Variants in INPP5A observed in about 807,000 individuals in gnomAD.
INPP5A encodes the protein inositol polyphosphate-5-phosphatase A.
In INPP5A, 14 loss-of-function variants were observed where a neutral mutation model predicts 65.2. The observed-to-expected ratio is 0.21, with a 90% CI of 0.14 to 0.34. The LOEUF (loss-of-function observed/expected upper bound fraction) is 0.34, where lower values mean the gene tolerates loss of function less well. Ranked by LOEUF, INPP5A falls within the 10% of genes least tolerant of loss-of-function variation. The pLI, the probability that INPP5A is intolerant of heterozygous loss-of-function variation, is 1.00. For missense variants in INPP5A, 431 were observed against 545.6 expected (o/e 0.79, Z 2.09); for synonymous variants, 207 against 208.3 (o/e 0.99, Z 0.05).
At chr10:132,606,999 G>T (rs2071865458) in intron 1 of INPP5A, among the ~76,000 whole-genome samples, 2 of 152,176 alleles carry the variant, frequency 1.3e-5, no homozygotes, top group Non-Finnish European at 2.9e-5. Context: ...CCCTCACGGT[G>T]GGCGATGTTG....
chr10:132,742,681 A>G (rs990352980), intron 9 of INPP5A, among the ~76,000 whole-genome samples: 1 of 152,140 alleles, frequency 6.6e-6, no homozygotes, highest in East Asian at 1.9e-4. Context: ...GTGCCTCCCG[A>G]TGAGTTCGGA....
chr10:132,618,457 T>C (rs184598776), intron 2 of INPP5A, among the ~76,000 whole-genome samples: 4 of 152,310 alleles, frequency 2.6e-5, no homozygotes, highest in East Asian at 3.9e-4. Flanking sequence ...ATAACCCAAA[T>C]AGGTGAGCTA....
chr10:132,713,650 C>CCT (rs1564978320), intron 8 of INPP5A, among the ~76,000 whole-genome samples: 1 of 152,136 alleles, frequency 6.6e-6, no homozygotes, highest in Non-Finnish European at 1.5e-5. Context: ...AGCCTGGTCC[C>CCT]GGGGAGGGTG....
rs917832701 is a variant in INPP5A, at chr10:132,663,074, C to G, written c.306+12569C>G. On this transcript the variant is annotated intron_variant, in intron 4 of 15. Transcript: ENST00000368594. This position sits in a 1 kb window ranked among gnomAD's most constrained non-coding sequence, Gnocchi z 4.5. Reference sequence around the variant, plus strand: ...GGAAGTACTTCCATCAGCAGCTGGCCCCTCGAACGGACTGTGCACACCACT... The same window carrying G: ...GGAAGTACTTCCATCAGCAGCTGGCGCCTCGAACGGACTGTGCACACCACT... Among the ~76,000 whole-genome samples, 3 of 152,172 alleles carry G rather than the reference C, an allele frequency of 2.0e-5. No individual in the cohort carries two copies. The highest frequency in any genetic ancestry group is 2.9e-5 in the Non-Finnish European group (2 of 68,038).
At chr10:132,662,905 G>A (rs892085111) in intron 4 of INPP5A, among the ~76,000 whole-genome samples, 1 of 152,224 alleles carries the variant, frequency 6.6e-6, no homozygotes, top group Non-Finnish European at 1.5e-5. Flanking sequence ...TTCACGTGTG[G>A]ATGTGTCAGG....
chr10:132,755,128 GGT>G (rs763469754), intron 11 of INPP5A, among the ~76,000 whole-genome samples: 2 of 151,656 alleles, frequency 1.3e-5, no homozygotes, highest in African/African-American at 2.4e-5. Context: ...CGTGTGAGCA[GGT>G]GTGTCAGCAT....
intron 2 of INPP5A, among the ~76,000 whole-genome samples, chr10:132,620,221 C>G (rs758036582): frequency 6.6e-6 from 1 of 152,224 alleles, no homozygotes; most frequent in South Asian, 2.1e-4. Context: ...GTCATTGTCT[C>G]GTCTGTTGGC....
At chr10:132,770,185 C>T (rs141503654) in intron 12 of INPP5A, among the ~76,000 whole-genome samples, 39 of 152,266 alleles carry the variant, frequency 2.6e-4, no homozygotes, top group East Asian at 1.9e-4. Context: ...AGGATGCTAT[C>T]GTCTCCTCTG....
chr10:132,647,798 C>T (rs922253293), intron 3 of INPP5A, among the ~76,000 whole-genome samples: 1 of 152,148 alleles, frequency 6.6e-6, no homozygotes, highest in African/African-American at 2.4e-5. Flanking sequence ...CATAAGCAGC[C>T]ACTTCTCACT....
chr10:132,652,639 A>G (rs1004047312), intron 4 of INPP5A, among the ~76,000 whole-genome samples: 5 of 152,086 alleles, frequency 3.3e-5, no homozygotes, highest in African/African-American at 9.7e-5. Flanking sequence ...GTCGCCAGCT[A>G]CCTCTTCCTC....
intron 9 of INPP5A, among the ~76,000 whole-genome samples, chr10:132,749,161 G>A (rs1846425037): frequency 6.6e-6 from 1 of 152,220 alleles, no homozygotes; most frequent in South Asian, 2.1e-4. Context: ...GGAGGAGGCC[G>A]GCCATGTGCC....
intron 12 of INPP5A, among the ~76,000 whole-genome samples, chr10:132,776,307 T>C (rs1046879664): frequency 3.3e-5 from 5 of 152,128 alleles, no homozygotes; most frequent in South Asian, 2.1e-4. Flanking sequence ...TGGCTCCCGC[T>C]GGAGCGCGCG....
intron 9 of INPP5A, among the ~76,000 whole-genome samples, chr10:132,748,438 A>T (rs1241982201): frequency 6.6e-6 from 1 of 152,140 alleles, no homozygotes; most frequent in African/African-American, 2.4e-5. Flanking sequence ...GGTTCTAGGC[A>T]TTCTTGTTTT....
chr10:132,563,545 G>A (rs1366493399), intron 1 of INPP5A, among the ~76,000 whole-genome samples: 1 of 152,156 alleles, frequency 6.6e-6, no homozygotes, highest in East Asian at 1.9e-4. Flanking sequence ...AAAATAGCAG[G>A]TGTGTTTGGG....
chr10:132,737,684 C>T (rs1375173192), intron 9 of INPP5A, among the ~76,000 whole-genome samples: 1 of 152,220 alleles, frequency 6.6e-6, no homozygotes, highest in Non-Finnish European at 1.5e-5. Flanking sequence ...GCAGAGGGCA[C>T]GTGAGCTAAG....
intron 2 of INPP5A, among the ~76,000 whole-genome samples, chr10:132,635,280 A>G (rs1390246763): frequency 6.7e-6 from 1 of 148,758 alleles, no homozygotes; most frequent in Non-Finnish European, 1.5e-5. Context: ...CTGTTTGTAC[A>G]CTGGTTTTTG....
chr10:132,566,006 C>T (rs988560196), intron 1 of INPP5A, among the ~76,000 whole-genome samples: 12 of 151,842 alleles, frequency 7.9e-5, no homozygotes, highest in Non-Finnish European at 1.2e-4. Context: ...GCCCTGTGGT[C>T]GGTCTCGGGG....
intron 3 of INPP5A, among the ~76,000 whole-genome samples, chr10:132,647,628 G>A (rs1052048709): frequency 5.3e-5 from 8 of 152,174 alleles, no homozygotes; most frequent in Admixed American, 1.3e-4. Context: ...AGAGGAGAGC[G>A]GATCGAGGCA....
At chr10:132,632,568 C>T (rs567366248) in intron 2 of INPP5A, among the ~76,000 whole-genome samples, 4 of 152,314 alleles carry the variant, frequency 2.6e-5, no homozygotes, top group African/African-American at 4.8e-5. Flanking sequence ...AGCCCGTGCC[C>T]GGTGTGCTTC....
Sources: gnomAD v4.1 joint callset for allele counts (sites outside exome capture counted in the v4.1 genomes callset) on GRCh38, gnomAD v4.1.1 for gene constraint, Gnocchi (gnomAD v3.1) non-coding constraint, MANE v1.5 for transcripts, NCBI Gene and HGNC (gene_info 2026-07-23, HGNC 2026-07-21) for gene names.